The following KLHL1 variants were observed in gnomAD, a reference collection of about 807,000 sequenced individuals.
KLHL1 encodes kelch like family member 1, also known as kelch-like protein 1.
KLHL1 carries 47 observed loss-of-function variants against 77.7 expected under a neutral mutation model. That is an observed-to-expected ratio of 0.60 (90% CI 0.48 to 0.77). The LOEUF (loss-of-function observed/expected upper bound fraction) is 0.77. Among genes scored for constraint, KLHL1 ranks in the 30% least tolerant of loss-of-function variants. KLHL1 has a pLI of 0.00. For synonymous variants in KLHL1, 360 were observed against 325.2 expected (o/e 1.11, Z -1.15); for missense variants, 925 against 910.8 (o/e 1.02, Z -0.20).
intron 1 of KLHL1, among the ~76,000 whole-genome samples, chr13:70,047,701 A>T (rs188005753): frequency 1.3e-5 from 2 of 152,234 alleles, no homozygotes; most frequent in Non-Finnish European, 2.9e-5. Context: ...CACAAACTGA[A>T]TTTTTTTAAA....
intron 4 of KLHL1, among the ~76,000 whole-genome samples, chr13:69,906,345 G>A (rs1453667736): frequency 6.6e-6 from 1 of 151,884 alleles, no homozygotes; most frequent in Non-Finnish European, 1.5e-5. Flanking sequence ...GGTTCACAGG[G>A]ACAGTTATAA....
At chr13:69,936,328 C>T (rs964528644) in intron 4 of KLHL1, among the ~76,000 whole-genome samples, 1 of 152,098 alleles carries the variant, frequency 6.6e-6, no homozygotes, top group Admixed American at 6.6e-5. Context: ...ATGGCTCATG[C>T]CTGTAATCCC....
intron 1 of KLHL1, among the ~76,000 whole-genome samples, chr13:70,050,819 T>G (rs1886612688): frequency 6.6e-6 from 1 of 152,008 alleles, no homozygotes; most frequent in Non-Finnish European, 1.5e-5. Flanking sequence ...TGTTAACACT[T>G]GAGTGACACT....
chr13:70,045,492 G>A (rs1389333317), intron 1 of KLHL1, among the ~76,000 whole-genome samples: 1 of 152,020 alleles, frequency 6.6e-6, no homozygotes, highest in East Asian at 1.9e-4. Flanking sequence ...AGATGAGTGT[G>A]TCATTCTATG....
chr13:69,758,885 TATTA>T (rs1874890882), intron 7 of KLHL1, among the ~76,000 whole-genome samples: 1 of 152,212 alleles, frequency 6.6e-6, no homozygotes, highest in Admixed American at 6.5e-5. Flanking sequence ...ATTTTATGAT[TATTA>T]ATTAAATATA....
chr13:69,784,249 A>G (rs371193465), intron 7 of KLHL1, among the ~76,000 whole-genome samples: 1 of 152,220 alleles, frequency 6.6e-6, no homozygotes, highest in South Asian at 2.1e-4. Flanking sequence ...TGTAAAGACC[A>G]TCAAGGCTAG....
At chr13:70,007,500 G>A (rs1388371161) in intron 1 of KLHL1, among the ~76,000 whole-genome samples, 1 of 151,540 alleles carries the variant, frequency 6.6e-6, no homozygotes, top group East Asian at 1.9e-4. Flanking sequence ...TGAGTTCCTG[G>A]CATACATAGG....
At chr13:69,825,992 A>T (rs1764422565) in intron 6 of KLHL1, among the ~76,000 whole-genome samples, 1 of 150,826 alleles carries the variant, frequency 6.6e-6, no homozygotes, top group South Asian at 2.1e-4. Flanking sequence ...ACTTACAGAA[A>T]AAAAAAGATT....
chr13:69,901,923 G>A (rs148084612), intron 4 of KLHL1, among the ~76,000 whole-genome samples: 4 of 151,126 alleles, frequency 2.6e-5, no homozygotes, highest in Non-Finnish European at 4.4e-5. Context: ...TCAGCCTTCC[G>A]AGCAGCTGGG....
At chr13:69,709,985 ATTAT>A (rs1400031902) in intron 9 of KLHL1, among the ~76,000 whole-genome samples, 1 of 151,746 alleles carries the variant, frequency 6.6e-6, no homozygotes, top group African/African-American at 2.4e-5. Flanking sequence ...TCCTCATTTA[ATTAT>A]TATTCAGCTT....
At chr13:69,923,135 A>G (rs1882698728) in intron 4 of KLHL1, among the ~76,000 whole-genome samples, 1 of 152,218 alleles carries the variant, frequency 6.6e-6, no homozygotes, top group African/African-American at 2.4e-5. Context: ...ATAAAATGGG[A>G]AGAAGGTTCA....
At chr13:69,802,340 T>C (rs1877421282) in intron 6 of KLHL1, among the ~76,000 whole-genome samples, 1 of 152,156 alleles carries the variant, frequency 6.6e-6, no homozygotes, top group African/African-American at 2.4e-5. Flanking sequence ...TATCCATGTG[T>C]CTTTACAGTG....
rs189833042 is a variant in KLHL1 at position 69,904,534 on chromosome 13, C to T, written c.1015-22039G>A. 3.0e-3 allele frequency among the ~76,000 whole-genome samples: 460 copies of T among 152,222 alleles called. 6 individuals carry two copies. Among genetic ancestry groups the T allele is most frequent in the African/African-American group, 0.011 (439 of 41,546 alleles). On this transcript the variant is annotated intron_variant, in intron 4 of 10. Transcript: ENST00000377844. ...TTTATGCATCTTATTCCCATTAGCC[C>T]TGGTACTATATAAAGATACAACTTT...
At chr13:69,888,822 T>TA (rs1364692236) in intron 4 of KLHL1, among the ~76,000 whole-genome samples, 1 of 152,018 alleles carries the variant, frequency 6.6e-6, no homozygotes, top group East Asian at 1.9e-4. Flanking sequence ...ATTATAATTT[T>TA]AAAAAAACTT....
intron 1 of KLHL1, among the ~76,000 whole-genome samples, chr13:70,078,719 C>T (rs536602031): frequency 1.3e-5 from 2 of 152,224 alleles, no homozygotes; most frequent in Middle Eastern, 3.4e-3. Flanking sequence ...ATTTCAATAC[C>T]ATCACACTAT....
chr13:69,882,741 G>A (rs1881048880), intron 4 of KLHL1, among the ~76,000 whole-genome samples: 1 of 152,180 alleles, frequency 6.6e-6, no homozygotes, highest in Admixed American at 6.5e-5. Flanking sequence ...GCTTTGTTAT[G>A]CAGGCAGAAT....
In KLHL1 at chr13:69,823,976, G is replaced by T. The variant is rs115723544; in HGVS notation, c.1414+15000C>A. Reference sequence around the variant, plus strand: ...CACCTTTTGGTGTGTATATCATTATGTGTGTGTGTATATATATGTATATGT... The same window carrying T: ...CACCTTTTGGTGTGTATATCATTATTTGTGTGTGTATATATATGTATATGT... On this transcript the variant is annotated intron_variant, in intron 6 of 10. Transcript: ENST00000377844. Among the ~76,000 whole-genome samples, 1,256 of 151,890 alleles carry T rather than the reference G, an allele frequency of 8.3e-3. 17 individuals carry two copies. Among genetic ancestry groups the T allele is most frequent in the African/African-American group, 0.029 (1,195 of 41,446 alleles).
intron 7 of KLHL1, among the ~76,000 whole-genome samples, chr13:69,753,974 C>A (rs929486805): frequency 1.3e-4 from 19 of 151,578 alleles, no homozygotes; most frequent in Non-Finnish European, 2.4e-4. Context: ...GTAGCTGGGA[C>A]TAGAGGCGTG....
At chr13:69,792,189 G>T (rs1267406886) in intron 7 of KLHL1, among the ~76,000 whole-genome samples, 4 of 152,000 alleles carry the variant, frequency 2.6e-5, no homozygotes, top group Non-Finnish European at 5.9e-5. Context: ...TCTAACCAGA[G>T]TATCAAAACG....
Sources: allele counts gnomAD v4.1 joint callset (sites outside exome capture counted in the v4.1 genomes callset), GRCh38; gene constraint gnomAD v4.1.1; transcripts MANE v1.5; gene names NCBI Gene and HGNC (gene_info 2026-07-23, HGNC 2026-07-21).